Variants in ISL2 observed in about 807,000 individuals in gnomAD.
ISL2 encodes ISL LIM homeobox 2.
ISL2 carries 17 observed loss-of-function variants against 34.6 expected under a neutral mutation model. The observed-to-expected ratio is 0.49, with a 90% CI of 0.34 to 0.74. ISL2 has a LOEUF of 0.74. Among genes scored for constraint, ISL2 ranks in the 30% least tolerant of loss-of-function variants. The pLI is 0.01. For missense variants in ISL2, 469 were observed against 515.2 expected (o/e 0.91, Z 0.87); for synonymous variants, 232 against 225.5 (o/e 1.03, Z -0.26).
chr15:76,339,661 A>T lies in ISL2; in HGVS notation c.512-615A>T, dbSNP rs1281958009. ...GGAACCTGGAGCCTTGAGGAAGGAG[A>T]CAGGGGCCGAAGCCCAAGGGCGGGC... On this transcript the variant is annotated intron_variant, in intron 3 of 5. Coordinates refer to ENST00000290759, the MANE Select transcript of ISL2 (RefSeq NM_145805.3). 3 of 985,568 alleles carry T rather than the reference A, an allele frequency of 3.0e-6. No homozygotes were observed. In the East Asian group the frequency reaches 3.4e-4, roughly 112 times the overall value. 61.1% of individuals were successfully genotyped at this position (985,568 alleles called of 1,614,324 possible). A position where few individuals can be genotyped will look rare whatever the true frequency, so the allele number is the denominator to read the frequency against.
intron 2 of ISL2, 110 bp downstream of exon 2, chr15:76,338,077 C>A (rs928366825): frequency 7.6e-7 from 1 of 1,311,312 alleles, no homozygotes; most frequent in African/African-American, 1.6e-5. Context: ...GAAGGCCATC[C>A]GCATCCCGCA....
At chr15:76,340,613 GC>G in intron 4 of ISL2, 54 bp downstream of exon 4, 2 of 1,537,756 alleles carry the variant, frequency 1.3e-6, no homozygotes, top group Non-Finnish European at 1.8e-6. Context: ...CGCTTCCGCC[GC>G]GGTATCTGCG....
At position 76,340,300 on chromosome 15, in the gene ISL2, C is replaced by A. The variant is rs575520177; in HGVS notation, c.536C>A (p.Ala179Glu). 6.2e-7 allele frequency: 1 copy of A among 1,608,022 alleles called. No individual in the cohort carries two copies. Among genetic ancestry groups the A allele is most frequent in the Non-Finnish European group, 8.5e-7 (1 of 1,178,538 alleles). Reference sequence around the variant, plus strand: ...GACGCTGGGTCGGGCCGGCAGCCCGCGTTGCGCCCGCACGTGCACAAGCAG... The same window carrying A: ...GACGCTGGGTCGGGCCGGCAGCCCGAGTTGCGCCCGCACGTGCACAAGCAG... ...LPDAGSGRQP[A>E]LRPHVHKQTE... The change falls in exon 4 of 6, where the codon GCG (alanine) becomes GAG (glutamate). Residue 179 changes from alanine (A) to glutamate (E), a missense_variant. This residue lies in a region of ISL2 where 297 missense variants were observed against 337.8 expected (regional missense o/e 0.88). Coordinates refer to ENST00000290759, the MANE Select transcript of ISL2 (RefSeq NM_145805.3).
rs2040162713 is a variant in ISL2, at chr15:76,337,817, A to T, written c.98A>T (p.Gln33Leu). 1 of 1,609,806 alleles carries T rather than the reference A, an allele frequency of 6.2e-7. No homozygotes were observed. The highest frequency in any genetic ancestry group is 1.7e-5 in the Admixed American group (1 of 59,788). Residue 33 changes from glutamine (Q) to leucine (L), a missense_variant, in exon 2 of 6, where the codon CAG (glutamine) becomes CTG (leucine). By Grantham distance (113) the Gln-to-Leu change is moderately radical (BLOSUM62 -2). Transcript: ENST00000290759. ...GCCATGTGCGTGGGCTGCGGGAGTCAGATCCACGACCAGTTTATCCTGCGG... is the reference window on the plus strand; with the variant it reads ...GCCATGTGCGTGGGCTGCGGGAGTCTGATCCACGACCAGTTTATCCTGCGG... ...GTAMCVGCGS[Q>L]IHDQFILRVS...
At chr15:76,339,722 A>G in intron 3 of ISL2, 4 of 986,380 alleles carry the variant, frequency 4.1e-6, no homozygotes, top group Non-Finnish European at 4.8e-6. Flanking sequence ...AGGCCCGTCC[A>G]TAACCGTGGA....
At position 76,339,750 on chromosome 15, in the gene ISL2, T is replaced by C. The variant is rs111679530; in HGVS notation, c.512-526T>C. 108 of 989,420 alleles carry C rather than the reference T, an allele frequency of 1.1e-4. No individual in the cohort carries two copies. The African/African-American group carries it at 1.6e-3, about 15-fold the overall frequency. The allele number at this position is 989,420 out of a possible 1,614,324, so 61.3% of individuals were successfully genotyped here. A position where few individuals can be genotyped will look rare whatever the true frequency, so the allele number is the denominator to read the frequency against. ...ACCGTGGATGAGTCTTCTACACATGTGGCCTGGCCCTGTCCAAATGGGCTC... is the reference window on the plus strand; with the variant it reads ...ACCGTGGATGAGTCTTCTACACATGCGGCCTGGCCCTGTCCAAATGGGCTC... On this transcript the variant is annotated intron_variant, in intron 3 of 5. Transcript: ENST00000290759.
chr15:76,337,996 C>T (rs779633570), intron 2 of ISL2, 29 bp downstream of exon 2: 5 of 1,528,626 alleles, frequency 3.3e-6, no homozygotes, highest in East Asian at 2.6e-5. Context: ...CGGGCTGGGC[C>T]ACCGCGCGCA....
rs1048353796 is a variant in ISL2 at position 76,338,186 on chromosome 15, T to C, written c.249-66T>C. 4.7e-6 allele frequency: 7 copies of C among 1,498,546 alleles called. No individual in the cohort carries two copies. In the South Asian group the frequency reaches 7.5e-5, roughly 16 times the overall value. 92.8% of individuals were successfully genotyped at this position (1,498,546 alleles called of 1,614,324 possible). On this transcript the variant is annotated intron_variant, in intron 2 of 5. Coordinates refer to ENST00000290759, the MANE Select transcript of ISL2 (RefSeq NM_145805.3). ...GTGTCCTGGGCGCGCGCCGGAGCCG[T>C]AGCAGCCAGGGAGATGAGGGCGGCC... is the stretch of plus-strand genomic sequence containing the variant.
intron 1 of ISL2, chr15:76,337,567 G>C: frequency 4.3e-6 from 2 of 467,260 alleles, no homozygotes; most frequent in Admixed American, 4.1e-5. Context: ...TTTGGGGTGG[G>C]GGACAGAAGA....
At chr15:76,338,780 G>A (rs1270662335) in intron 3 of ISL2, 7 of 985,428 alleles carry the variant, frequency 7.1e-6, no homozygotes, top group Non-Finnish European at 8.4e-6. Flanking sequence ...AACATGCAGG[G>A]CACAGTGCTA....
At position 76,342,040 on chromosome 15, in the gene ISL2, G is replaced by C. The variant is rs754334173; in HGVS notation, c.*205G>C. ...TCACCAGACTGCAGACCCCTGCTCC[G>C]AGGACTCTTAGTTTTTCAAAACCAG... On this transcript the variant is annotated 3_prime_UTR_variant, in exon 6 of 6. Transcript: ENST00000290759. The C allele has an allele frequency of 1.9e-6, 1 of 527,204 alleles. No individual in the cohort carries two copies. The highest frequency in any genetic ancestry group is 3.4e-6 in the Non-Finnish European group (1 of 295,256). The allele number at this position is 527,204 out of a possible 1,614,324, so 32.7% of individuals were successfully genotyped here.
chr15:76,341,255 A>G lies in ISL2; in HGVS notation c.917A>G (p.Glu306Gly), dbSNP rs1351104732. 1.9e-6 allele frequency: 3 copies of G among 1,610,674 alleles called. No homozygotes were observed. Among genetic ancestry groups the G allele is most frequent in the Middle Eastern group, 1.7e-4 (1 of 5,918 alleles). Reference protein sequence around the residue: ...TYQPPWKALSEFALQSDLDQP... With the variant: ...TYQPPWKALSGFALQSDLDQP... Reference sequence around the variant, plus strand: ...CAGCCGCCGTGGAAGGCGCTCAGCGAGTTTGCCCTCCAGAGCGACCTGGAC... The same window carrying G: ...CAGCCGCCGTGGAAGGCGCTCAGCGGGTTTGCCCTCCAGAGCGACCTGGAC... Residue 306 changes from glutamate to glycine, a missense_variant, in exon 5 of 6, where the codon GAG becomes GGG. Glu to Gly is a moderately conservative substitution (Grantham distance 98). Coordinates refer to ENST00000290759, the MANE Select transcript of ISL2 (RefSeq NM_145805.3).
intron 3 of ISL2, chr15:76,339,836 T>C: frequency 2.0e-6 from 2 of 1,005,578 alleles, no homozygotes; most frequent in Non-Finnish European, 2.4e-6. Context: ...CCCAGTCCCC[T>C]GGGCAGCGCC....
intron 3 of ISL2, 97 bp downstream of exon 3, chr15:76,338,611 T>C: frequency 8.0e-7 from 1 of 1,244,294 alleles, no homozygotes; most frequent in Non-Finnish European, 1.0e-6. Context: ...TTGTCAGTTG[T>C]GTGTGGTTCC....
chr15:76,339,258 G>A, intron 3 of ISL2: 1 of 985,380 alleles, frequency 1.0e-6, no homozygotes, highest in Non-Finnish European at 1.2e-6. Flanking sequence ...TGGGTGCTGT[G>A]TGGCCTTGCC....
intron 3 of ISL2, chr15:76,338,768 G>A: frequency 4.1e-6 from 4 of 985,438 alleles, no homozygotes; most frequent in Non-Finnish European, 4.8e-6. Context: ...TCCATGACCA[G>A]GAACATGCAG....
chr15:76,339,699 T>C (rs1463513501), intron 3 of ISL2: 4 of 985,852 alleles, frequency 4.1e-6, no homozygotes, highest in Admixed American at 6.1e-5. Flanking sequence ...GAAGGAACTG[T>C]TGCAAGCCCT....
At chr15:76,336,971 G>T in intron 1 of ISL2, 30 bp downstream of exon 1, 1 of 1,584,842 alleles carries the variant, frequency 6.3e-7, no homozygotes, top group African/African-American at 1.3e-5. Context: ...TGTGGGGTGG[G>T]GTGTGTGTGT....
Position 76,341,875 on chromosome 15 carries a change from C to T in ISL2, c.*40C>T. 1.5e-6 allele frequency: 2 copies of T among 1,316,788 alleles called. No individual in the cohort carries two copies. The highest frequency in any genetic ancestry group is 1.2e-5 in the South Asian group (1 of 85,264). 81.6% of individuals were successfully genotyped at this position (1,316,788 alleles called of 1,614,324 possible). On this transcript the variant is annotated 3_prime_UTR_variant, in exon 6 of 6. Coordinates refer to ENST00000290759, the MANE Select transcript of ISL2 (RefSeq NM_145805.3). Reference sequence around the variant, plus strand: ...TGCCAGCCCGCGGACCTCGCATGCTCCCTGCATGAGACTCACCCATGCTCA... The same window carrying T: ...TGCCAGCCCGCGGACCTCGCATGCTTCCTGCATGAGACTCACCCATGCTCA...
Sources: gnomAD v4.1 joint callset for allele counts on GRCh38, gnomAD v4.1.1 for gene constraint, gnomAD v4.1.1 regional missense constraint, MANE v1.5 for transcripts, NCBI Gene and HGNC (gene_info 2026-07-23, HGNC 2026-07-21) for gene names.